The following NCOA3 variants were observed in gnomAD, a reference collection of about 807,000 sequenced individuals.
NCOA3 encodes the protein nuclear receptor coactivator 3.
A neutral mutation model predicts 158.8 loss-of-function variants in NCOA3; 51 were observed. The ratio of observed to expected loss-of-function variants is 0.32; its 90% confidence interval spans 0.26 to 0.41. The LOEUF is 0.41. NCOA3 is among the 10% of genes least tolerant of loss of function. The pLI is 1.00. For missense variants in NCOA3, 1,510 were observed against 1,746.6 expected (o/e 0.86, Z 2.41); for synonymous variants, 537 against 592.4 (o/e 0.91, Z 1.36).
intron 1 of NCOA3, among the ~76,000 whole-genome samples, chr20:47,560,139 G>A (rs141196321): frequency 6.6e-6 from 1 of 152,108 alleles, no homozygotes; most frequent in African/African-American, 2.4e-5. Context: ...GAGTGCTGTG[G>A]CACAATCTTG....
chr20:47,520,089 AAGG>A lies in NCOA3; in HGVS notation c.-99+18072_-99+18074del, dbSNP rs1232031519. Among the ~76,000 whole-genome samples, 92 of 149,170 alleles carry A rather than the reference AAGG, an allele frequency of 6.2e-4. 1 individual carries two copies. The highest frequency in any genetic ancestry group is 1.1e-3 in the Non-Finnish European group (75 of 67,170). On this transcript the variant is annotated intron_variant, in intron 1 of 22. Coordinates refer to ENST00000371998, the MANE Select transcript of NCOA3 (RefSeq NM_181659.3). ...AAAAAAAAAAAAAAAAAAAAAAAAA[AAGG>A]AAGGCTACAGGTTGTCAGTGGCCTC...
chr20:47,559,314 G>T (rs960665447), intron 1 of NCOA3, among the ~76,000 whole-genome samples: 4 of 152,116 alleles, frequency 2.6e-5, no homozygotes, highest in African/African-American at 9.7e-5. Flanking sequence ...CCAGAAAAAG[G>T]CTTCTTGTTC....
At chr20:47,510,991 C>G in intron 1 of NCOA3, among the ~76,000 whole-genome samples, 1 of 151,994 alleles carries the variant, frequency 6.6e-6, no homozygotes, top group East Asian at 1.9e-4. Flanking sequence ...CCTACTCTTC[C>G]ATGCACAGAC....
chr20:47,653,413 G>C lies in NCOA3; in HGVS notation c.4271G>C (p.Cys1424Ser). ...GMPMGPDQKY[C>S] is the part of the protein sequence containing the mutation. ...TTTCCTGGTTGCTGACAGAAATACT[G>C]CTGACATCTCTGCACCAGGACCTCT... The change falls in exon 23 of 23, where the codon TGC becomes TCC. Residue 1424 changes from cysteine to serine, a missense_variant. By Grantham distance (112) the Cys-to-Ser change is moderately radical. Transcript: ENST00000371998. The C allele has an allele frequency of 6.6e-7, 1 of 1,514,260 alleles. No homozygotes were observed. Among genetic ancestry groups the C allele is most frequent in the South Asian group, 1.2e-5 (1 of 86,770 alleles). The allele number at this position is 1,514,260 out of a possible 1,614,324, so 93.8% of individuals were successfully genotyped here.
rs2086851241 is a variant in NCOA3, at chr20:47,655,044, G to A, written c.*1627G>A. 6.6e-6 allele frequency: 1 copy of A among 152,086 alleles called. No homozygotes were observed. The allele number at this position is 152,086 out of a possible 1,614,324, so 9.4% of individuals were successfully genotyped here. A position where few individuals can be genotyped will look rare whatever the true frequency, so the allele number is the denominator to read the frequency against. ...TCTACTAATGTGATGCTTTCATTATGTCCCTGTGGATTAGAATAGTGTCAG... is the reference window on the plus strand; with the variant it reads ...TCTACTAATGTGATGCTTTCATTATATCCCTGTGGATTAGAATAGTGTCAG... On this transcript the variant is annotated 3_prime_UTR_variant, in exon 23 of 23. Coordinates refer to ENST00000371998, the MANE Select transcript of NCOA3 (RefSeq NM_181659.3).
chr20:47,624,465 A>G (rs2086290669), intron 4 of NCOA3, among the ~76,000 whole-genome samples: 1 of 152,180 alleles, frequency 6.6e-6, no homozygotes, highest in Non-Finnish European at 1.5e-5. Flanking sequence ...GTGAGAATCT[A>G]ATGCTACTTC....
chr20:47,502,469 C>T (rs897434164), intron 1 of NCOA3, among the ~76,000 whole-genome samples: 2 of 152,130 alleles, frequency 1.3e-5, no homozygotes, highest in East Asian at 1.9e-4. Flanking sequence ...CCGCGGGGAC[C>T]CCCCCCACCC....
intron 1 of NCOA3, among the ~76,000 whole-genome samples, chr20:47,517,255 C>A (rs1023668357): frequency 2.0e-5 from 3 of 152,040 alleles, no homozygotes; most frequent in Non-Finnish European, 4.4e-5. Flanking sequence ...TTTACTATAA[C>A]GAAACAGTAC....
chr20:47,540,986 A>G (rs1207366905), intron 1 of NCOA3, among the ~76,000 whole-genome samples: 1 of 152,108 alleles, frequency 6.6e-6, no homozygotes, highest in African/African-American at 2.4e-5. Context: ...TTGAACATGA[A>G]CTATTGTATC....
chr20:47,561,376 C>T (rs1258286608), intron 1 of NCOA3, among the ~76,000 whole-genome samples: 2 of 150,688 alleles, frequency 1.3e-5, no homozygotes, highest in Non-Finnish European at 2.9e-5. Flanking sequence ...TCATAGCTCA[C>T]TGCAGCTTCA....
chr20:47,627,385 G>A (rs2086339671), intron 6 of NCOA3, among the ~76,000 whole-genome samples, 176 bp from the exon 7 acceptor site: 1 of 152,186 alleles, frequency 6.6e-6, no homozygotes, highest in Non-Finnish European at 1.5e-5. Flanking sequence ...TATGCAGTGA[G>A]ATTTCTGTTA....
At chr20:47,511,176 G>A (rs2084117067) in intron 1 of NCOA3, among the ~76,000 whole-genome samples, 1 of 151,904 alleles carries the variant, frequency 6.6e-6, no homozygotes, top group Non-Finnish European at 1.5e-5. Context: ...GAGGAGGCAA[G>A]GGACTACTAC....
At chr20:47,555,666 T>A (rs1311418398) in intron 1 of NCOA3, among the ~76,000 whole-genome samples, 1 of 132,718 alleles carries the variant, frequency 7.5e-6, no homozygotes, top group African/African-American at 2.9e-5. Context: ...TGGGACAGAG[T>A]CTCGCCCTGT....
At chr20:47,547,983 G>A (rs1019066680) in intron 1 of NCOA3, among the ~76,000 whole-genome samples, 13 of 151,522 alleles carry the variant, frequency 8.6e-5, no homozygotes, top group South Asian at 2.1e-4. Context: ...CACCTGCCTC[G>A]ACCTCCCAAA....
chr20:47,527,015 T>C (rs988019830), intron 1 of NCOA3, among the ~76,000 whole-genome samples: 2 of 152,226 alleles, frequency 1.3e-5, no homozygotes, highest in African/African-American at 4.8e-5. Context: ...TTATTCTTAG[T>C]ATATAGCAAT....
intron 1 of NCOA3, among the ~76,000 whole-genome samples, chr20:47,526,830 A>T (rs1053585143): frequency 6.6e-6 from 1 of 152,048 alleles, no homozygotes; most frequent in African/African-American, 2.4e-5. Context: ...TTTAGTAGAG[A>T]TAGGGCTTTA....
rs369516174 is a variant in NCOA3, at chr20:47,570,939, T to TATATACACACAC, written c.-98-12243_-98-12242insTATACACACACA. On this transcript the variant is annotated intron_variant, in intron 1 of 22. Transcript: ENST00000371998. ...CACCGTTAATGAGCAGTAATATATA[T>TATATACACACAC]ACACACACACACACACACACACACA... is the stretch of plus-strand genomic sequence containing the variant. 2.0e-3 allele frequency among the ~76,000 whole-genome samples: 231 copies of TATATACACACAC among 114,938 alleles called. 1 individual carries two copies. The highest frequency in any genetic ancestry group is 7.5e-3 in the African/African-American group (215 of 28,500). The allele number at this position is 114,938 out of a possible 152,430, so 75.4% of individuals were successfully genotyped here.
chr20:47,525,316 GTC>G (rs2084411191), intron 1 of NCOA3, among the ~76,000 whole-genome samples: 3 of 150,900 alleles, frequency 2.0e-5, no homozygotes, highest in African/African-American at 7.3e-5. Context: ...AAAATGAAAA[GTC>G]TCCCATGTCT....
intron 1 of NCOA3, among the ~76,000 whole-genome samples, chr20:47,567,399 CT>C (rs533096346): frequency 1.5e-3 from 214 of 143,294 alleles, no homozygotes; most frequent in Middle Eastern, 7.2e-3. Context: ...TTCTTTCTTT[CT>C]TTTTTTTTTT....
Sources: gnomAD v4.1 joint callset for allele counts (sites outside exome capture counted in the v4.1 genomes callset) on GRCh38, gnomAD v4.1.1 for gene constraint, MANE v1.5 for transcripts, NCBI Gene and HGNC (gene_info 2026-07-23, HGNC 2026-07-21) for gene names.